DSCAM: variants seen among roughly 807,000 people sequenced by gnomAD.
DSCAM encodes the protein DS cell adhesion molecule, also known as cell adhesion molecule DSCAM.
A neutral mutation model predicts 217.7 loss-of-function variants in DSCAM; 47 were observed. The observed-to-expected ratio is 0.22, with a 90% CI of 0.17 to 0.28. The LOEUF (loss-of-function observed/expected upper bound fraction) is 0.28. Ranked by LOEUF, DSCAM falls within the 10% of genes least tolerant of loss-of-function variation. DSCAM has a pLI of 1.00. For missense variants in DSCAM, 2,080 were observed against 2,618.3 expected (o/e 0.79, Z 4.49); for synonymous variants, 1,056 against 1,015.3 (o/e 1.04, Z -0.76).
intron 3 of DSCAM, among the ~76,000 whole-genome samples, chr21:40,522,521 G>A (rs1028169264): frequency 6.6e-6 from 1 of 152,016 alleles, no homozygotes; most frequent in African/African-American, 2.4e-5. Flanking sequence ...CTAAATCTAG[G>A]TCACGTTTTC....
intron 10 of DSCAM, among the ~76,000 whole-genome samples, chr21:40,292,885 G>C: frequency 6.6e-6 from 1 of 151,960 alleles, no homozygotes; most frequent in Non-Finnish European, 1.5e-5. Context: ...ACAGGTGGCC[G>C]CCACCACGCG....
At chr21:40,307,601 A>C (rs1482613454) in intron 9 of DSCAM, among the ~76,000 whole-genome samples, 3 of 152,314 alleles carry the variant, frequency 2.0e-5, no homozygotes, top group African/African-American at 7.2e-5. Flanking sequence ...CCAAAGGACT[A>C]TAAATCATGC....
chr21:40,679,333 G>A (rs995052018), intron 3 of DSCAM, among the ~76,000 whole-genome samples: 2 of 152,148 alleles, frequency 1.3e-5, no homozygotes, highest in African/African-American at 4.8e-5. Context: ...GACAATATTT[G>A]TTGGCTCTTA....
intron 1 of DSCAM, among the ~76,000 whole-genome samples, chr21:40,792,123 C>CTCT (rs1555889314): frequency 1.1e-4 from 12 of 108,894 alleles, no homozygotes; most frequent in African/African-American, 3.6e-4. Context: ...GTGTCCTAAT[C>CTCT]TCTTCTTCTT....
chr21:40,743,131 C>A (rs1420299622), intron 1 of DSCAM, among the ~76,000 whole-genome samples: 3 of 152,064 alleles, frequency 2.0e-5, no homozygotes, highest in Non-Finnish European at 4.4e-5. Context: ...TCTTTATGGC[C>A]TGAATACAGA....
intron 32 of DSCAM, among the ~76,000 whole-genome samples, chr21:40,039,179 GAAAAGA>G (rs1251743706): frequency 6.6e-6 from 1 of 150,802 alleles, no homozygotes; most frequent in Non-Finnish European, 1.5e-5. Flanking sequence ...ATAAAGAAAA[GAAAAGA>G]AAAAGAATAT....
At chr21:40,430,511 C>T (rs1459750208) in intron 3 of DSCAM, among the ~76,000 whole-genome samples, 1 of 152,208 alleles carries the variant, frequency 6.6e-6, no homozygotes, top group Non-Finnish European at 1.5e-5. Flanking sequence ...CATTAGACTC[C>T]AAGCTCTTCA....
intron 21 of DSCAM, among the ~76,000 whole-genome samples, chr21:40,089,874 GA>G (rs34812909): frequency 2.0e-5 from 3 of 151,648 alleles, no homozygotes; most frequent in Admixed American, 6.6e-5. Flanking sequence ...AACATTTCTG[GA>G]AAAAAAATCC....
chr21:40,572,084 GGGTGT>G (rs2076811233), intron 3 of DSCAM, among the ~76,000 whole-genome samples: 1 of 68,544 alleles, frequency 1.5e-5, no homozygotes, highest in South Asian at 5.0e-4. Context: ...GTGTGTGTGT[GGGTGT>G]GTGTGTGTGT....
chr21:40,257,868 G>A (rs760164031), intron 11 of DSCAM, among the ~76,000 whole-genome samples: 40 of 152,130 alleles, frequency 2.6e-4, no homozygotes, highest in Non-Finnish European at 5.1e-4. Flanking sequence ...TTATGTGCCT[G>A]TTAATGCAGT....
chr21:40,381,099 T>C (rs1234322170), intron 3 of DSCAM, among the ~76,000 whole-genome samples: 5 of 142,654 alleles, frequency 3.5e-5, no homozygotes, highest in Non-Finnish European at 7.6e-5. Flanking sequence ...ATAGAACTGA[T>C]AGGACATAGA....
chr21:40,115,193 A>T (rs2089953734), intron 20 of DSCAM, among the ~76,000 whole-genome samples: 1 of 152,248 alleles, frequency 6.6e-6, no homozygotes, highest in Non-Finnish European at 1.5e-5. Flanking sequence ...GACTGGATTA[A>T]GAAAATGTGG....
chr21:40,233,596 CCTT>C (rs1416530543), intron 11 of DSCAM, among the ~76,000 whole-genome samples: 2 of 152,108 alleles, frequency 1.3e-5, no homozygotes, highest in Non-Finnish European at 2.9e-5. Flanking sequence ...ACCTTTCTGT[CCTT>C]CTCCTCCACA....
At chr21:40,230,110 T>C (rs765888456) in intron 11 of DSCAM, among the ~76,000 whole-genome samples, 1 of 152,258 alleles carries the variant, frequency 6.6e-6, no homozygotes, top group East Asian at 1.9e-4. Context: ...TCTTTTTCTA[T>C]ACTTGTCATC....
intron 3 of DSCAM, among the ~76,000 whole-genome samples, chr21:40,655,446 C>CTCTT (rs1555876823): frequency 2.2e-5 from 3 of 138,854 alleles, no homozygotes; most frequent in Non-Finnish European, 1.5e-5. Flanking sequence ...ATCTGTCTCT[C>CTCTT]TTTTTTTTTT....
At chr21:40,083,076 C>T (rs2089485063) in intron 24 of DSCAM, among the ~76,000 whole-genome samples, 1 of 152,200 alleles carries the variant, frequency 6.6e-6, no homozygotes, top group African/African-American at 2.4e-5. Context: ...TCCTGTGTAT[C>T]TTCTGTCTCT....
chr21:40,118,976 G>C (rs2090003334), intron 20 of DSCAM, among the ~76,000 whole-genome samples: 2 of 152,136 alleles, frequency 1.3e-5, no homozygotes, highest in African/African-American at 4.8e-5. Flanking sequence ...TTTGTGCTTG[G>C]AGCGTTTACC....
At chr21:40,168,453 A>G (rs1568978413) in intron 15 of DSCAM, among the ~76,000 whole-genome samples, 1 of 152,264 alleles carries the variant, frequency 6.6e-6, no homozygotes, top group Non-Finnish European at 1.5e-5. Flanking sequence ...GGCAGCAGGA[A>G]AACAGGTGTC....
At chr21:40,109,387 T>G (rs1278972380) in intron 20 of DSCAM, among the ~76,000 whole-genome samples, 2 of 152,138 alleles carry the variant, frequency 1.3e-5, no homozygotes, top group Non-Finnish European at 2.9e-5. Context: ...CCAACAAGCA[T>G]AGGAAAAGCT....
Sources: gnomAD v4.1 joint callset for allele counts (sites outside exome capture counted in the v4.1 genomes callset) on GRCh38, gnomAD v4.1.1 for gene constraint, MANE v1.5 for transcripts, NCBI Gene and HGNC (gene_info 2026-07-23, HGNC 2026-07-21) for gene names.